The following RHBDL2 variants were observed in gnomAD, a reference collection of about 807,000 sequenced individuals.
The protein encoded by RHBDL2 is rhomboid-related protein 2.
A neutral mutation model predicts 31.7 loss-of-function variants in RHBDL2; 26 were observed. The observed-to-expected ratio is 0.82, with a 90% CI of 0.60 to 1.14. The LOEUF (loss-of-function observed/expected upper bound fraction) is 1.14. RHBDL2 is among the 50% of genes most tolerant of loss of function. The pLI, the probability that RHBDL2 is intolerant of heterozygous loss-of-function variation, is 0.00. For missense variants in RHBDL2, 336 were observed against 364.4 expected, an observed-to-expected ratio of 0.92 and a Z score of 0.63; for synonymous variants, 123 against 127.2, an observed-to-expected ratio of 0.97 and a Z score of 0.22.
At chr1:38,928,919 G>C (rs1480453314) in intron 1 of RHBDL2, among the ~76,000 whole-genome samples, 1 of 151,836 alleles carries the variant, frequency 6.6e-6, no homozygotes, top group African/African-American at 2.4e-5. Context: ...AAAAATTAAA[G>C]TTTGCCAGGT....
chr1:38,933,283 T>A (rs1039114148), intron 1 of RHBDL2, among the ~76,000 whole-genome samples: 1 of 152,132 alleles, frequency 6.6e-6, no homozygotes, highest in African/African-American at 2.4e-5. Flanking sequence ...CTACAACTCA[T>A]ACACACAAGG....
At chr1:38,920,557 G>C (rs1643298906) in intron 1 of RHBDL2, among the ~76,000 whole-genome samples, 2 of 150,606 alleles carry the variant, frequency 1.3e-5, no homozygotes, top group South Asian at 4.2e-4. Flanking sequence ...ATGGACATTT[G>C]GGTTGTTTCC....
chr1:38,932,631 C>T (rs1388471446), intron 1 of RHBDL2, among the ~76,000 whole-genome samples: 1 of 152,070 alleles, frequency 6.6e-6, no homozygotes, highest in South Asian at 2.1e-4. Flanking sequence ...AACTAATTTT[C>T]GCATTTTTTG....
chr1:38,895,831 A>C (rs1642911520), intron 5 of RHBDL2, 138 bp downstream of exon 5: 1 of 623,798 alleles, frequency 1.6e-6, no homozygotes, highest in Admixed American at 3.0e-5. Flanking sequence ...GAAAGGAAAC[A>C]AAATGGCATT....
chr1:38,910,645 C>T (rs1443496895), intron 4 of RHBDL2, among the ~76,000 whole-genome samples: 1 of 151,934 alleles, frequency 6.6e-6, no homozygotes, highest in African/African-American at 2.4e-5. Context: ...CATGTTACTT[C>T]TCAAAATCAG....
intron 1 of RHBDL2, among the ~76,000 whole-genome samples, chr1:38,932,325 C>T (rs1392192927): frequency 6.6e-6 from 1 of 152,152 alleles, no homozygotes; most frequent in African/African-American, 2.4e-5. Context: ...ACCTACCAGC[C>T]CAGCTCATCC....
intron 1 of RHBDL2, chr1:38,926,776 G>A (rs1643381976): frequency 6.6e-6 from 1 of 152,392 alleles, no homozygotes; most frequent in South Asian, 2.1e-4. Context: ...GGAGGTGGAG[G>A]TTGCAGTGAG....
intron 1 of RHBDL2, chr1:38,929,463 T>C (rs758691766): frequency 7.8e-7 from 1 of 1,289,486 alleles, no homozygotes; most frequent in South Asian, 1.2e-5. Flanking sequence ...TCCTTTTCCA[T>C]GGCAGACACT....
At position 38,886,466 on chromosome 1, in the gene RHBDL2, A is replaced by G; in HGVS notation, c.*38T>C. 7.1e-7 allele frequency: 1 copy of G among 1,401,890 alleles called. No homozygotes were observed. The highest frequency in any genetic ancestry group is 9.5e-7 in the Non-Finnish European group (1 of 1,047,676). The allele number at this position is 1,401,890 out of a possible 1,614,324, so 86.8% of individuals were successfully genotyped here. A position where few individuals can be genotyped will look rare whatever the true frequency, so the allele number is the denominator to read the frequency against. On this transcript the variant is annotated 3_prime_UTR_variant, in exon 8 of 8. Coordinates refer to ENST00000372990, the MANE Select transcript of RHBDL2 (RefSeq NM_017821.5). ...TTCCTTTTTTTTTTATTTCCTCCAG[A>G]TGGCTCTTTTTATTAATTGACTTAC...
At chr1:38,921,077 C>T (rs1643307335) in intron 1 of RHBDL2, among the ~76,000 whole-genome samples, 2 of 152,224 alleles carry the variant, frequency 1.3e-5, no homozygotes, top group East Asian at 1.9e-4. Context: ...ATAACATTGC[C>T]GGGAAGCTTA....
At chr1:38,938,018 G>A (rs1455353100) in intron 1 of RHBDL2, among the ~76,000 whole-genome samples, 2 of 142,696 alleles carry the variant, frequency 1.4e-5, no homozygotes, top group African/African-American at 6.0e-5. Context: ...CATTCTCATT[G>A]CTAATTTTTT....
rs771816772 is a variant in RHBDL2, at chr1:38,918,916, C to T, written c.246+51G>A. 3 of 1,579,770 alleles carry T rather than the reference C, an allele frequency of 1.9e-6. No homozygotes were observed. In the African/African-American group the frequency reaches 4.0e-5, roughly 21 times the overall value. On this transcript the variant is annotated intron_variant, in intron 2 of 7. Transcript: ENST00000372990. ...ATCTAGATCTGACCCCTAGTTTGTTCCCAGCTTCCCCATGCCACTTACCCC... is the reference window on the plus strand; with the variant it reads ...ATCTAGATCTGACCCCTAGTTTGTTTCCAGCTTCCCCATGCCACTTACCCC...
intron 1 of RHBDL2, among the ~76,000 whole-genome samples, chr1:38,937,096 C>T (rs951564638): frequency 4.6e-5 from 7 of 151,838 alleles, no homozygotes; most frequent in East Asian, 3.9e-4. Flanking sequence ...TACAGGCACC[C>T]GCCACCACAC....
In RHBDL2 at chr1:38,890,139, G is replaced by A. The variant is rs950397671; in HGVS notation, c.671-2115C>T. ...TGCAACCTCCACCTCCTGGGTTCAC[G>A]CCATTCTCCTGCCTCAGCCTCCTGA... On this transcript the variant is annotated intron_variant, in intron 6 of 7. Transcript: ENST00000372990. Among the ~76,000 whole-genome samples the A allele has an allele frequency of 5.3e-5, 8 of 151,122 alleles. No individual in the cohort carries two copies. In the South Asian group the frequency reaches 6.3e-4, roughly 12 times the overall value.
intron 3 of RHBDL2, chr1:38,913,425 C>T (rs1348529741): frequency 6.6e-6 from 1 of 152,150 alleles, no homozygotes; most frequent in African/African-American, 2.4e-5. Flanking sequence ...GATTTTGCCC[C>T]TGATTTGTCA....
At chr1:38,911,839 C>G (rs926048468) in intron 3 of RHBDL2, among the ~76,000 whole-genome samples, 2 of 151,934 alleles carry the variant, frequency 1.3e-5, no homozygotes, top group African/African-American at 2.4e-5. Flanking sequence ...CGAAGTCTCC[C>G]TCTGTCGCCC....
intron 5 of RHBDL2, among the ~76,000 whole-genome samples, chr1:38,893,582 C>T (rs1642879684): frequency 1.3e-5 from 2 of 152,078 alleles, no homozygotes; most frequent in East Asian, 3.8e-4. Flanking sequence ...GGTTAATATT[C>T]ATTTGATGTT....
chr1:38,910,607 A>G (rs1265948702), intron 4 of RHBDL2, among the ~76,000 whole-genome samples: 1 of 152,122 alleles, frequency 6.6e-6, no homozygotes, highest in East Asian at 1.9e-4. Context: ...ATTCTCTTAA[A>G]GTTGTCTTTC....
chr1:38,928,580 G>A (rs1643405395), intron 1 of RHBDL2, among the ~76,000 whole-genome samples: 3 of 152,092 alleles, frequency 2.0e-5, no homozygotes. Context: ...CCGAGTAGCT[G>A]GGATTACAGG....
Sources: allele counts gnomAD v4.1 joint callset (sites outside exome capture counted in the v4.1 genomes callset), GRCh38; gene constraint gnomAD v4.1.1; transcripts MANE v1.5; gene names NCBI Gene and HGNC (gene_info 2026-07-23, HGNC 2026-07-21).